The following TAFA1 variants were observed in gnomAD, a reference collection of about 807,000 sequenced individuals.
TAFA1 encodes TAFA chemokine like family member 1, also known as chemokine-like protein TAFA-1.
Under a neutral mutation model 18.5 loss-of-function variants are expected in TAFA1, and 4 were observed. The observed-to-expected ratio is 0.22, with a 90% CI of 0.11 to 0.49. The LOEUF is 0.49. Among genes scored for constraint, TAFA1 ranks in the 20% least tolerant of loss-of-function variants. The probability of loss-of-function intolerance (pLI) is 0.98; values close to 1 mark genes in which losing one functional copy is unlikely to be tolerated. For missense variants in TAFA1, 147 were observed against 169.0 expected (o/e 0.87, Z 0.72); for synonymous variants, 56 against 55.2 (o/e 1.01, Z -0.06).
intron 2 of TAFA1, among the ~76,000 whole-genome samples, chr3:68,037,778 A>G (rs1333482257): frequency 6.6e-6 from 1 of 152,226 alleles, no homozygotes; most frequent in Non-Finnish European, 1.5e-5. Context: ...GGCAAGATGC[A>G]TTCTACTGCT....
chr3:68,226,920 G>A (rs570681264), intron 2 of TAFA1, among the ~76,000 whole-genome samples: 10 of 152,276 alleles, frequency 6.6e-5, no homozygotes, highest in African/African-American at 1.9e-4. Flanking sequence ...AGCAATGAGC[G>A]CCACCAGGAA....
chr3:68,302,670 C>G (rs2068326838), intron 2 of TAFA1, among the ~76,000 whole-genome samples: 1 of 151,966 alleles, frequency 6.6e-6, no homozygotes, highest in African/African-American at 2.4e-5. Context: ...AAGGTGCTAA[C>G]TAAATACCTC....
chr3:68,351,908 A>G (rs1404620806), intron 2 of TAFA1, among the ~76,000 whole-genome samples: 1 of 151,904 alleles, frequency 6.6e-6, no homozygotes, highest in Non-Finnish European at 1.5e-5. Flanking sequence ...CATCTGTTTC[A>G]TCTTAATGGT....
At chr3:68,510,254 A>C (rs1337278382) in intron 3 of TAFA1, among the ~76,000 whole-genome samples, 1 of 152,042 alleles carries the variant, frequency 6.6e-6, no homozygotes, top group Non-Finnish European at 1.5e-5. Flanking sequence ...TTGCAATAGG[A>C]CATATTATAC....
rs192776501 is a variant in TAFA1, at chr3:68,441,519, A to G, written c.259+24099A>G. Among the ~76,000 whole-genome samples, 408 of 152,240 alleles carry G rather than the reference A, an allele frequency of 2.7e-3. 7 individuals are homozygous for G. Among genetic ancestry groups the G allele is most frequent in the African/African-American group, 8.8e-3 (366 of 41,546 alleles). On this transcript the variant is annotated intron_variant, in intron 3 of 4. Coordinates refer to ENST00000478136, the MANE Select transcript of TAFA1 (RefSeq NM_213609.4). ...CTATGGGTCATCAACTCATCATGCA[A>G]CCTGAACTGCCTATCATGAACTGGG...
At chr3:68,003,340 C>G (rs1704305334), upstream of TAFA1, among the ~76,000 whole-genome samples, 1 of 152,230 alleles carries the variant, frequency 6.6e-6, no homozygotes, top group South Asian at 2.1e-4. Context: ...TGGGGAATTT[C>G]AAAATGTTTC....
chr3:68,431,743 T>C (rs6774893), intron 3 of TAFA1, among the ~76,000 whole-genome samples: 4,006 of 152,116 alleles, frequency 0.026, 167 homozygotes, highest in African/African-American at 0.09. Flanking sequence ...AGTCACGTTG[T>C]AGCAGGATGA....
chr3:68,143,544 G>A (rs2065697117), intron 2 of TAFA1, among the ~76,000 whole-genome samples: 1 of 152,180 alleles, frequency 6.6e-6, no homozygotes. Context: ...CGTGGGGACT[G>A]TTGTGTCCAT....
intron 2 of TAFA1, among the ~76,000 whole-genome samples, chr3:68,088,414 A>C (rs181639488): frequency 1.4e-4 from 22 of 152,320 alleles, no homozygotes; most frequent in Admixed American, 2.6e-4. Flanking sequence ...CGTATAAAGC[A>C]CTGGCTGAGA....
At chr3:68,141,907 G>T (rs142653381) in intron 2 of TAFA1, among the ~76,000 whole-genome samples, 9 of 152,284 alleles carry the variant, frequency 5.9e-5, no homozygotes, top group African/African-American at 1.4e-4. Context: ...CCACTGAAAA[G>T]AACCAGTTCA....
At chr3:68,337,218 C>T (rs1000512737) in intron 2 of TAFA1, among the ~76,000 whole-genome samples, 2 of 152,044 alleles carry the variant, frequency 1.3e-5, no homozygotes, top group East Asian at 1.9e-4. Flanking sequence ...GGGTGCCCTC[C>T]GAAAACTTAC....
At chr3:68,063,685 C>A (rs1031087654) in intron 2 of TAFA1, among the ~76,000 whole-genome samples, 3 of 152,134 alleles carry the variant, frequency 2.0e-5, no homozygotes, top group Non-Finnish European at 4.4e-5. Flanking sequence ...ATTATTCAGA[C>A]CTGCAGACCT....
chr3:68,246,426 T>C (rs2067078057), intron 2 of TAFA1, among the ~76,000 whole-genome samples: 1 of 150,986 alleles, frequency 6.6e-6, no homozygotes, highest in Non-Finnish European at 1.5e-5. Context: ...CCGTCTCTAC[T>C]AAAAATACAA....
intron 2 of TAFA1, among the ~76,000 whole-genome samples, chr3:68,195,519 G>T (rs2107024573): frequency 6.6e-6 from 1 of 151,342 alleles, no homozygotes; most frequent in Non-Finnish European, 1.5e-5. Flanking sequence ...CCACCGAAAG[G>T]ACATTTGGCA....
chr3:68,287,015 C>T (rs1306953888), intron 2 of TAFA1, among the ~76,000 whole-genome samples: 3 of 152,156 alleles, frequency 2.0e-5, no homozygotes, highest in Admixed American at 2.0e-4. Flanking sequence ...CAGTCAGCCA[C>T]AGCACAAAGA....
chr3:68,014,492 A>C (rs1704532970), intron 2 of TAFA1, among the ~76,000 whole-genome samples: 1 of 152,222 alleles, frequency 6.6e-6, no homozygotes, highest in African/African-American at 2.4e-5. Context: ...GGAGCTTTCA[A>C]GATCTCCTTT....
At chr3:68,530,037 C>T (rs2106771275) in intron 3 of TAFA1, among the ~76,000 whole-genome samples, 1 of 152,240 alleles carries the variant, frequency 6.6e-6, no homozygotes, top group Middle Eastern at 3.4e-3. Context: ...GACAAAATGC[C>T]AGTAACCTGT....
intron 2 of TAFA1, among the ~76,000 whole-genome samples, chr3:68,264,588 C>T (rs930230471): frequency 1.3e-5 from 2 of 152,082 alleles, no homozygotes; most frequent in African/African-American, 2.4e-5. Flanking sequence ...TCAATGTTAT[C>T]ATTTTAAAGT....
chr3:68,404,314 T>G (rs1342164212), intron 2 of TAFA1, among the ~76,000 whole-genome samples: 1 of 152,202 alleles, frequency 6.6e-6, no homozygotes, highest in East Asian at 1.9e-4. Context: ...ATTGATGCTG[T>G]AGAGACAACT....
Sources: allele counts gnomAD v4.1 joint callset (sites outside exome capture counted in the v4.1 genomes callset), GRCh38; gene constraint gnomAD v4.1.1; transcripts MANE v1.5; gene names NCBI Gene and HGNC (gene_info 2026-07-23, HGNC 2026-07-21).